The following DLG4 variants were observed in gnomAD, a reference collection of about 807,000 sequenced individuals.
DLG4 encodes discs large MAGUK scaffold protein 4.
In DLG4, 7 loss-of-function variants were observed where a neutral mutation model predicts 93.8. The ratio of observed to expected loss-of-function variants is 0.07; its 90% confidence interval spans 0.04 to 0.14. DLG4 has a LOEUF of 0.14. DLG4 is among the 10% of genes least tolerant of loss of function. The pLI is 1.00. For synonymous variants in DLG4, 341 were observed against 387.6 expected, an observed-to-expected ratio of 0.88 and a Z score of 1.41; for missense variants, 545 against 992.9, an observed-to-expected ratio of 0.55 and a Z score of 6.06.
At position 7,204,043 on chromosome 17, in the gene DLG4, C is replaced by G; in HGVS notation, c.175G>C (p.Gly59Arg). Reference sequence around the variant, plus strand: ...GTGATTTCCTCGTATTCCATCTCCCCCTCGGTCCCGTTCACCTGCAACTCC... The same window carrying G: ...GTGATTTCCTCGTATTCCATCTCCCGCTCGGTCCCGTTCACCTGCAACTCC... Reference protein sequence around the residue: ...GYELQVNGTEGEMEYEEITLE... With the variant: ...GYELQVNGTEREMEYEEITLE... The change falls in exon 4 of 20, where the codon GGG becomes CGG. Residue 59 changes from glycine (G) to arginine (R), a missense_variant. Gly to Arg is a moderately radical substitution (Grantham distance 125). Around this residue, in one of 5 missense-constraint regions of DLG4, gnomAD observed 49 missense variants for 80.4 expected, o/e 0.61. Coordinates refer to ENST00000399506, the MANE Select transcript of DLG4 (RefSeq NM_001321075.3). 6.2e-7 allele frequency: 1 copy of G among 1,610,384 alleles called. No individual in the cohort carries two copies. The highest frequency in any genetic ancestry group is 1.1e-5 in the South Asian group (1 of 90,240).
At position 7,194,411 on chromosome 17, in the gene DLG4, G is replaced by A; in HGVS notation, c.1386C>T (p.Val462=). The A allele has an allele frequency of 6.2e-7, 1 of 1,612,948 alleles. No homozygotes were observed. Among genetic ancestry groups the A allele is most frequent in the Non-Finnish European group, 8.5e-7 (1 of 1,179,534 alleles). ...LSFRFGDVLH[V]IDASDEEWWQ... ...ACCACTCCTCATCACTAGCATCGAT[G>A]ACATGCAGCACATCCCCAAAGCGGA... The change falls in exon 12 of 20, where the codon GTC becomes GTT. Residue 462 remains valine, a synonymous_variant. Transcript: ENST00000399506. The surrounding 1 kb of genome is among the most constrained non-coding windows in gnomAD (Gnocchi z 4.4).
rs1213773906 is a variant in DLG4 at position 7,187,546 on chromosome 17, CCAATAA to C, written c.*3156_*3161del. On this transcript the variant is annotated 3_prime_UTR_variant, in exon 20 of 20. Transcript: ENST00000399506. ...GGGCAACAAGAGCGAAACTCTGTCT[CCAATAA>C]TAATAATAATAATAATAATAATAAT... is the stretch of plus-strand genomic sequence containing the variant. Among the ~76,000 whole-genome samples, 1 of 109,234 alleles carries C rather than the reference CCAATAA, an allele frequency of 9.2e-6. No individual in the cohort carries two copies. The highest frequency in any genetic ancestry group is 2.2e-4 in the East Asian group (1 of 4,616). 71.7% of individuals were successfully genotyped at this position (109,234 alleles called of 152,430 possible). A position where few individuals can be genotyped will look rare whatever the true frequency, so the allele number is the denominator to read the frequency against.
Position 7,195,778 on chromosome 17 carries a change from C to T in DLG4, c.1301+442G>A, listed in dbSNP as rs1325147029. Among the ~76,000 whole-genome samples, 2 of 152,130 alleles carry T rather than the reference C, an allele frequency of 1.3e-5. No homozygotes were observed. The highest frequency in any genetic ancestry group is 2.4e-5 in the African/African-American group (1 of 41,426). On this transcript the variant is annotated intron_variant, in intron 11 of 19. Coordinates refer to ENST00000399506, the MANE Select transcript of DLG4 (RefSeq NM_001321075.3). The surrounding 1 kb of genome is among the most constrained non-coding windows in gnomAD (Gnocchi z 4.3). The stretch of plus-strand genomic sequence containing the variant: ...AAGCCACAAAAAGAGTCAATGGAGA[C>T]GAGCCCTAAGAGGGGAGCAAAATGC...
chr17:7,211,609 G>C (rs76108593), intron 1 of DLG4: 3 of 803,416 alleles, frequency 3.7e-6, no homozygotes, highest in African/African-American at 1.9e-5. Flanking sequence ...TGATATTTGC[G>C]GGGGTCCGGG....
chr17:7,192,603 G>C (rs1219471381), intron 17 of DLG4, among the ~76,000 whole-genome samples: 2 of 151,216 alleles, frequency 1.3e-5, no homozygotes, highest in Non-Finnish European at 2.9e-5. Flanking sequence ...GGCCAGCGGG[G>C]AGTCAGGAAA....
intron 8 of DLG4, among the ~76,000 whole-genome samples, chr17:7,201,544 T>C (rs2070136130): frequency 1.3e-5 from 2 of 152,014 alleles, no homozygotes. Context: ...TCTAAAGCAA[T>C]GAAGAATAAT....
At position 7,193,473 on chromosome 17, in the gene DLG4, C is replaced by T; in HGVS notation, c.1693+10G>A. The T allele has an allele frequency of 6.5e-7, 1 of 1,528,154 alleles. No individual in the cohort carries two copies. The highest frequency in any genetic ancestry group is 8.7e-7 in the Non-Finnish European group (1 of 1,143,596). 94.7% of individuals were successfully genotyped at this position (1,528,154 alleles called of 1,614,324 possible). A position where few individuals can be genotyped will look rare whatever the true frequency, so the allele number is the denominator to read the frequency against. On this transcript the variant is annotated intron_variant, in intron 16 of 19. Transcript: ENST00000399506. The surrounding 1 kb of genome is among the most constrained non-coding windows in gnomAD (Gnocchi z 6.7). ...CCACCTTCTCCTCCATCCAAGGCCCCAGCACTCACGGGGAACACAGGATCC... is the reference window on the plus strand; with the variant it reads ...CCACCTTCTCCTCCATCCAAGGCCCTAGCACTCACGGGGAACACAGGATCC...
chr17:7,190,398 G>GGGTCT lies in DLG4; in HGVS notation c.*309_*310insAGACC. On this transcript the variant is annotated 3_prime_UTR_variant, in exon 20 of 20. Transcript: ENST00000399506. ...TGGGAGAGGATGGGGGAGGGCAGGTGGCCCCCGGTGGGTCTGTGTGTGCAT... is the reference window on the plus strand; with the variant it reads ...TGGGAGAGGATGGGGGAGGGCAGGTGGGTCTGCCCCCGGTGGGTCTGTGTGTGCAT... 1 of 386,892 alleles carries GGGTCT rather than the reference G, an allele frequency of 2.6e-6. No homozygotes were observed. The highest frequency in any genetic ancestry group is 3.6e-5 in the Admixed American group (1 of 27,852). 24.0% of individuals were successfully genotyped at this position (386,892 alleles called of 1,614,324 possible).
intron 8 of DLG4, among the ~76,000 whole-genome samples, chr17:7,201,599 G>T (rs2070139733): frequency 6.6e-6 from 1 of 152,214 alleles, no homozygotes; most frequent in African/African-American, 2.4e-5. Flanking sequence ...AGTTAACGGA[G>T]GCCGGGCGCG....
In DLG4 at chr17:7,187,547, C is replaced by CAATAAT. The variant is rs61283875; in HGVS notation, c.*3155_*3160dup. On this transcript the variant is annotated 3_prime_UTR_variant, in exon 20 of 20. Coordinates refer to ENST00000399506, the MANE Select transcript of DLG4 (RefSeq NM_001321075.3). ...GGCAACAAGAGCGAAACTCTGTCTC[C>CAATAAT]AATAATAATAATAATAATAATAATA... Among the ~76,000 whole-genome samples the CAATAAT allele has an allele frequency of 0.068, 9,977 of 145,756 alleles. 411 individuals carry two copies. The highest frequency in any genetic ancestry group is 0.086 in the Non-Finnish European group (5,702 of 66,390).
At chr17:7,213,564 G>A (rs548163502) in intron 1 of DLG4, among the ~76,000 whole-genome samples, 5 of 151,998 alleles carry the variant, frequency 3.3e-5, no homozygotes, top group Non-Finnish European at 7.4e-5. Context: ...AGATACGGCC[G>A]GCAATCTGCA....
chr17:7,192,199 G>A, intron 17 of DLG4, 197 bp from the exon 18 acceptor site: 2 of 440,906 alleles, frequency 4.5e-6, no homozygotes, highest in Non-Finnish European at 8.0e-6. Flanking sequence ...AGAGGGAAAG[G>A]AAAGGGAAGA....
Position 7,217,604 on chromosome 17 carries a change from G to A in DLG4, c.-457C>T. ...CAGCGGCCGAGGGAGCCGTGGAGCC[G>A]AAGAGGGAAGGGGAGAGAGGAGGAG... On this transcript the variant is annotated 5_prime_UTR_variant, in exon 1 of 20. Coordinates refer to ENST00000399506, the MANE Select transcript of DLG4 (RefSeq NM_001321075.3). 4 of 1,378,202 alleles carry A rather than the reference G, an allele frequency of 2.9e-6. No individual in the cohort carries two copies. The highest frequency in any genetic ancestry group is 2.8e-6 in the Non-Finnish European group (3 of 1,056,262). 85.4% of individuals were successfully genotyped at this position (1,378,202 alleles called of 1,614,324 possible).
intron 1 of DLG4, among the ~76,000 whole-genome samples, chr17:7,209,178 C>G (rs1433044578): frequency 6.6e-6 from 1 of 152,094 alleles, no homozygotes; most frequent in African/African-American, 2.4e-5. Flanking sequence ...CCAACATGAC[C>G]CCTGACTCCC....
chr17:7,218,785 C>G (rs186123640), upstream of DLG4: 18 of 1,612,286 alleles, frequency 1.1e-5, no homozygotes, highest in Non-Finnish European at 1.5e-5. Flanking sequence ...CCCAGCCCCC[C>G]ACTTCGCTCC....
chr17:7,193,693 C>T lies in DLG4; in HGVS notation c.1565G>A (p.Ser522Asn). The stretch of plus-strand genomic sequence containing the variant: ...TTCCATCTGCGTCACTGTCTCGTAG[C>T]TCAGAACCGAGTCTTCTCGACCTGG... Reference protein sequence around the residue: ...GSQGREDSVLSYETVTQMEVH... With the variant: ...GSQGREDSVLNYETVTQMEVH... Residue 522 changes from serine (S) to asparagine (N), a missense_variant, in exon 15 of 20, where the codon AGC (serine) becomes AAC (asparagine). By Grantham distance (46) the Ser-to-Asn change is conservative. Transcript: ENST00000399506. The surrounding 1 kb of genome is among the most constrained non-coding windows in gnomAD (Gnocchi z 6.7). 1 of 1,568,058 alleles carries T rather than the reference C, an allele frequency of 6.4e-7. No homozygotes were observed. The highest frequency in any genetic ancestry group is 8.6e-7 in the Non-Finnish European group (1 of 1,157,180).
In DLG4 at chr17:7,194,559, C is replaced by T; in HGVS notation, c.1302-64G>A. ...GACTCCAGGAAGGATGCCCCAGTCA[C>T]CCAAAGACCCGGCCCAGAGGTCTGC... On this transcript the variant is annotated intron_variant, in intron 11 of 19. Transcript: ENST00000399506. The surrounding 1 kb of genome is among the most constrained non-coding windows in gnomAD (Gnocchi z 4.4). 6.5e-7 allele frequency: 1 copy of T among 1,529,494 alleles called. No homozygotes were observed. The highest frequency in any genetic ancestry group is 8.8e-7 in the Non-Finnish European group (1 of 1,133,618). The allele number at this position is 1,529,494 out of a possible 1,614,324, so 94.7% of individuals were successfully genotyped here. A position where few individuals can be genotyped will look rare whatever the true frequency, so the allele number is the denominator to read the frequency against.
Position 7,188,886 on chromosome 17 carries a change from C to A in DLG4, c.*1822G>T, listed in dbSNP as rs144410224. ...TAACACTGTGGGAGGCCAAGCTGGG[C>A]GGATCACCTGAGGTCAGGAGTTCGA... On this transcript the variant is annotated 3_prime_UTR_variant, in exon 20 of 20. Coordinates refer to ENST00000399506, the MANE Select transcript of DLG4 (RefSeq NM_001321075.3). 2.0e-5 allele frequency among the ~76,000 whole-genome samples: 3 copies of A among 151,988 alleles called. No individual in the cohort carries two copies. Among genetic ancestry groups the A allele is most frequent in the African/African-American group, 7.3e-5 (3 of 41,372 alleles).
chr17:7,190,837 A>C (rs1318406439), intron 19 of DLG4, 23 bp from the exon 20 acceptor site: 1 of 1,604,454 alleles, frequency 6.2e-7, no homozygotes, highest in South Asian at 1.1e-5. Flanking sequence ...TGGAGCAGGG[A>C]GTGAGGCCAA....
Sources: allele counts gnomAD v4.1 joint callset (sites outside exome capture counted in the v4.1 genomes callset), GRCh38; gene constraint gnomAD v4.1.1; regional missense constraint gnomAD v4.1.1; non-coding constraint Gnocchi (gnomAD v3.1); transcripts MANE v1.5; gene names NCBI Gene and HGNC (gene_info 2026-07-23, HGNC 2026-07-21).